Variants in CCNA1 observed in about 807,000 individuals in gnomAD.
The protein encoded by CCNA1 is cyclin A1, also known as cyclin-A1.
A neutral mutation model predicts 54.1 loss-of-function variants in CCNA1; 23 were observed. The observed-to-expected ratio is 0.42, with a 90% CI of 0.31 to 0.60. The LOEUF (loss-of-function observed/expected upper bound fraction) is 0.60, where lower values mean the gene tolerates loss of function less well. Among genes scored for constraint, CCNA1 ranks in the 20% least tolerant of loss-of-function variants. CCNA1 has a pLI of 0.14. For missense variants in CCNA1, 450 were observed against 556.7 expected, an observed-to-expected ratio of 0.81 and a Z score of 1.93; for synonymous variants, 208 against 213.9, an observed-to-expected ratio of 0.97 and a Z score of 0.24.
At position 36,439,961 on chromosome 13, in the gene CCNA1, A is replaced by G; in HGVS notation, c.894-18A>G. On this transcript the variant is annotated intron_variant, in intron 5 of 8. Coordinates refer to ENST00000255465, the MANE Select transcript of CCNA1 (RefSeq NM_003914.4). The stretch of plus-strand genomic sequence containing the variant: ...CAAAGGTTCTAAGTTTTACTTCTGA[A>G]AACTCTTCCTTTCCCAGGAAATATG... 1 of 1,581,172 alleles carries G rather than the reference A, an allele frequency of 6.3e-7. No homozygotes were observed. The highest frequency in any genetic ancestry group is 8.7e-7 in the Non-Finnish European group (1 of 1,152,150).
chr13:36,435,628 C>T lies in CCNA1; in HGVS notation c.298-2001C>T, dbSNP rs117220558. The stretch of plus-strand genomic sequence containing the variant: ...TATATAGTCTGTACAAGTTAGAGTG[C>T]CCTAGGACCTAGTCTTTGATCTAAA... On this transcript the variant is annotated intron_variant, in intron 2 of 8. Transcript: ENST00000255465. 1.3e-3 allele frequency among the ~76,000 whole-genome samples: 204 copies of T among 152,272 alleles called. 1 individual carries two copies. The highest frequency in any genetic ancestry group is 2.0e-3 in the Non-Finnish European group (134 of 68,016).
At position 36,442,301 on chromosome 13, in the gene CCNA1, C is replaced by T. The variant is rs1798172128; in HGVS notation, c.1343C>T (p.Ser448Leu). 1.2e-6 allele frequency: 2 copies of T among 1,613,244 alleles called. No individual in the cohort carries two copies. Among genetic ancestry groups the T allele is most frequent in the Non-Finnish European group, 1.7e-6 (2 of 1,179,586 alleles). Residue 448 changes from serine (S) to leucine (L), a missense_variant, in exon 8 of 9, where the codon TCA (serine) becomes TTA (leucine). Ser to Leu is a moderately radical substitution (Grantham distance 145). Around this residue, in one of 6 missense-constraint regions of CCNA1, gnomAD observed 53 missense variants for 50.1 expected, o/e 1.06. Coordinates refer to ENST00000255465, the MANE Select transcript of CCNA1 (RefSeq NM_003914.4). Reference sequence around the variant, plus strand: ...GCAATTAGGGAGAAGTACAAGGCTTCAAAGTAAGTCACTGACATTTTCATA... The same window carrying T: ...GCAATTAGGGAGAAGTACAAGGCTTTAAAGTAAGTCACTGACATTTTCATA...
At chr13:36,439,798 T>C (rs563958602) in intron 5 of CCNA1, among the ~76,000 whole-genome samples, 181 bp from the exon 6 acceptor site, 2 of 152,306 alleles carry the variant, frequency 1.3e-5, no homozygotes, top group East Asian at 3.9e-4. Context: ...GATAATCATG[T>C]TCTTGGTCCA....
upstream of CCNA1, chr13:36,432,304 C>G: frequency 3.1e-6 from 1 of 319,172 alleles, no homozygotes; most frequent in Non-Finnish European, 5.7e-6. Context: ...AGCCGCATCG[C>G]TAAGCCCGGC....
At chr13:36,434,231 G>A (rs1044481873) in intron 2 of CCNA1, among the ~76,000 whole-genome samples, 2 of 152,192 alleles carry the variant, frequency 1.3e-5, no homozygotes, top group African/African-American at 4.8e-5. Context: ...TGGTCCCTCA[G>A]ATATTAGTTG....
At chr13:36,432,752 ACTTGGAGG>A in intron 1 of CCNA1, 23 bp downstream of exon 1, 2 of 1,436,946 alleles carry the variant, frequency 1.4e-6, no homozygotes, top group Non-Finnish European at 9.8e-7. Context: ...TAGTATCCCG[ACTTGGAGG>A]CTTGTCAGAA....
At chr13:36,440,885 A>G (rs1310940178) in intron 6 of CCNA1, among the ~76,000 whole-genome samples, 2 of 152,260 alleles carry the variant, frequency 1.3e-5, no homozygotes, top group Non-Finnish European at 2.9e-5. Context: ...CCTATCACCT[A>G]TACTTTGAGT....
chr13:36,439,356 T>C (rs1224167345), intron 5 of CCNA1, among the ~76,000 whole-genome samples: 1 of 152,212 alleles, frequency 6.6e-6, no homozygotes. Flanking sequence ...GTGGCTGAGC[T>C]ACCTTTAAGT....
At chr13:36,439,462 G>A (rs1163095510) in intron 5 of CCNA1, among the ~76,000 whole-genome samples, 2 of 152,134 alleles carry the variant, frequency 1.3e-5, no homozygotes, top group Non-Finnish European at 2.9e-5. Context: ...CCTAAAGAAA[G>A]TAGAAACAAA....
At position 36,432,506 on chromosome 13, in the gene CCNA1, A is replaced by C; in HGVS notation, c.-116A>C. 1 of 502,574 alleles carries C rather than the reference A, an allele frequency of 2.0e-6. No homozygotes were observed. The highest frequency in any genetic ancestry group is 3.6e-5 in the Admixed American group (1 of 28,104). 31.1% of individuals were successfully genotyped at this position (502,574 alleles called of 1,614,324 possible). On this transcript the variant is annotated 5_prime_UTR_variant, in exon 1 of 9. Transcript: ENST00000255465. ...CCAGTGCACTTGCCAGTTGTTCCGG[A>C]CACATAGAAAGATAACGACGGGAAG... is the stretch of plus-strand genomic sequence containing the variant.
chr13:36,434,840 G>A (rs980399053), intron 2 of CCNA1, among the ~76,000 whole-genome samples: 10 of 134,112 alleles, frequency 7.5e-5, no homozygotes, highest in East Asian at 6.6e-4. Context: ...CCCCCCCCGC[G>A]CCATGCGTAC....
rs963194750 is a variant in CCNA1, at chr13:36,441,211, A to G, written c.1192A>G (p.Thr398Ala). The G allele has an allele frequency of 6.2e-7, 1 of 1,606,584 alleles. No homozygotes were observed. Among genetic ancestry groups the G allele is most frequent in the African/African-American group, 1.3e-5 (1 of 74,778 alleles). Reference sequence around the variant, plus strand: ...AGCAGCTTTTTGCCTGGCAAACTATACTGTGAACAAGCACTTTTGGGTAAG... The same window carrying G: ...AGCAGCTTTTTGCCTGGCAAACTATGCTGTGAACAAGCACTTTTGGGTAAG... The change falls in exon 7 of 9, where the codon ACT (threonine) becomes GCT (alanine). Residue 398 changes from threonine to alanine, a missense_variant. Thr to Ala is a moderately conservative substitution (Grantham distance 58). This residue lies in a region of CCNA1 where 22 missense variants were observed against 52.7 expected (regional missense o/e 0.42). Coordinates refer to ENST00000255465, the MANE Select transcript of CCNA1 (RefSeq NM_003914.4).
intron 1 of CCNA1, 72 bp downstream of exon 1, chr13:36,432,801 C>A: frequency 8.7e-7 from 1 of 1,145,420 alleles, no homozygotes; most frequent in Non-Finnish European, 1.3e-6. Context: ...AACACGAAGT[C>A]TTGGGATAAA....
At chr13:36,431,871 C>G (rs2055711039), upstream of CCNA1, 1 of 152,678 alleles carries the variant, frequency 6.5e-6, no homozygotes, top group African/African-American at 2.4e-5. Flanking sequence ...GTCGCTCTCC[C>G]GAGCCAGGGT....
rs76691530 is a variant in CCNA1, at chr13:36,434,834, C to G, written c.297+1613C>G. Among the ~76,000 whole-genome samples the G allele has an allele frequency of 1.5e-4, 9 of 61,124 alleles. 1 individual carries two copies. The highest frequency in any genetic ancestry group is 2.2e-4 in the African/African-American group (5 of 22,780). 40.1% of individuals were successfully genotyped at this position (61,124 alleles called of 152,430 possible). ...CTGCTGTCATGAGAGGTGCCCCCCC[C>G]CCCGCGCCATGCGTACAATATACTC... is the stretch of plus-strand genomic sequence containing the variant. On this transcript the variant is annotated intron_variant, in intron 2 of 8. Coordinates refer to ENST00000255465, the MANE Select transcript of CCNA1 (RefSeq NM_003914.4).
At chr13:36,438,273 C>T (rs944415916) in intron 4 of CCNA1, 82 bp downstream of exon 4, 2 of 1,258,828 alleles carry the variant, frequency 1.6e-6, no homozygotes, top group African/African-American at 3.0e-5. Context: ...TGGTCCATAA[C>T]CACTAGTGAA....
chr13:36,436,436 G>A (rs1412047993), intron 2 of CCNA1, among the ~76,000 whole-genome samples: 1 of 152,116 alleles, frequency 6.6e-6, no homozygotes, highest in Non-Finnish European at 1.5e-5. Context: ...CTCCATCAAG[G>A]TAGTTCTTTT....
chr13:36,432,199 A>G (rs1435756292), upstream of CCNA1: 1 of 165,812 alleles, frequency 6.0e-6, no homozygotes, highest in Non-Finnish European at 1.3e-5. Flanking sequence ...GCGGCCCCGG[A>G]GAGCGCACGC....
chr13:36,440,443 T>C (rs1177826066), intron 6 of CCNA1, among the ~76,000 whole-genome samples: 1 of 152,198 alleles, frequency 6.6e-6, no homozygotes, highest in East Asian at 1.9e-4. Context: ...TGTTCTCTTA[T>C]TGGATACAGA....
Sources: gnomAD v4.1 joint callset for allele counts (sites outside exome capture counted in the v4.1 genomes callset) on GRCh38, gnomAD v4.1.1 for gene constraint, gnomAD v4.1.1 regional missense constraint, MANE v1.5 for transcripts, NCBI Gene and HGNC (gene_info 2026-07-23, HGNC 2026-07-21) for gene names.